ZNF124: variants seen among roughly 807,000 people sequenced by gnomAD.
ZNF124 encodes zinc finger protein HZF-16.
ZNF124 carries 25 observed loss-of-function variants against 26.6 expected under a neutral mutation model. The ratio of observed to expected loss-of-function variants is 0.94; its 90% CI spans 0.68 to 1.31. The LOEUF is 1.31. ZNF124 is among the 40% of genes most tolerant of loss of function. The pLI, the probability that ZNF124 is intolerant of heterozygous loss-of-function variation, is 0.00. For missense variants in ZNF124, 444 were observed against 422.2 expected (o/e 1.05, Z -0.45); for synonymous variants, 129 against 133.3 (o/e 0.97, Z 0.22).
chr1:247,124,173 T>A (rs538187515), intron 3 of ZNF124, among the ~76,000 whole-genome samples: 2 of 151,138 alleles, frequency 1.3e-5, no homozygotes, highest in East Asian at 3.9e-4. Flanking sequence ...ATCACACACG[T>A]AAAATTTAGC....
At chr1:247,142,841 C>G (rs937753529) in intron 3 of ZNF124, among the ~76,000 whole-genome samples, 2 of 143,774 alleles carry the variant, frequency 1.4e-5, no homozygotes, top group Non-Finnish European at 3.1e-5. Flanking sequence ...CAGGTATTGT[C>G]TTTTTTTTTT....
downstream of ZNF124, among the ~76,000 whole-genome samples, chr1:247,154,750 A>G (rs756170544): frequency 6.6e-6 from 1 of 152,178 alleles, no homozygotes; most frequent in East Asian, 1.9e-4. Context: ...TGTAATCCCA[A>G]CACTTTGAGA....
intron 1 of ZNF124, among the ~76,000 whole-genome samples, chr1:247,162,768 C>T (rs1234412113): frequency 6.6e-6 from 1 of 152,080 alleles, no homozygotes; most frequent in Non-Finnish European, 1.5e-5. Context: ...ATGCACCCAA[C>T]ACAAGAGCAC....
chr1:247,157,386 G>T lies in ZNF124; in HGVS notation c.236C>A (p.Ser79Tyr), dbSNP rs761501085. ...SRNLRHIISHSGNNPYGCEEC... is the reference protein window; with the variant it reads ...SRNLRHIISHYGNNPYGCEEC... The stretch of plus-strand genomic sequence containing the variant: ...CTCACACCCATATGGGTTGTTTCCA[G>T]AATGAGATATGATGTGCCTATGAAG... The change falls in exon 4 of 4, where the codon TCT becomes TAT. Residue 79 changes from serine (S) to tyrosine (Y), a missense_variant. Coordinates refer to ENST00000543802, the MANE Select transcript of ZNF124 (RefSeq NM_001297568.2). 1 of 1,552,442 alleles carries T rather than the reference G, an allele frequency of 6.4e-7. No homozygotes were observed. The highest frequency in any genetic ancestry group is 8.7e-7 in the Non-Finnish European group (1 of 1,147,308).
chr1:247,144,095 A>G (rs1672700173), intron 3 of ZNF124, among the ~76,000 whole-genome samples: 1 of 152,190 alleles, frequency 6.6e-6, no homozygotes, highest in Non-Finnish European at 1.5e-5. Flanking sequence ...CATGATTTCC[A>G]GATTTTTCTT....
At chr1:247,133,768 C>G (rs529426293) in intron 3 of ZNF124, among the ~76,000 whole-genome samples, 13 of 151,804 alleles carry the variant, frequency 8.6e-5, no homozygotes, top group Non-Finnish European at 1.8e-4. Context: ...ATTCTCCCAC[C>G]TCAGCCTCCC....
At chr1:247,122,221 G>A (rs1167194586) in exon 4 of ZNF124, 1 of 152,134 alleles carries the variant, frequency 6.6e-6, no homozygotes, top group East Asian at 1.9e-4. Flanking sequence ...TACTTATTTA[G>A]TTCATACAAT....
At chr1:247,148,647 G>C (rs1672847493) in intron 3 of ZNF124, among the ~76,000 whole-genome samples, 1 of 152,182 alleles carries the variant, frequency 6.6e-6, no homozygotes, top group South Asian at 2.1e-4. Context: ...TCACAGCTGA[G>C]GAATCTCAAG....
chr1:247,130,037 T>C (rs537978096), intron 3 of ZNF124, among the ~76,000 whole-genome samples: 2 of 152,288 alleles, frequency 1.3e-5, no homozygotes, highest in African/African-American at 4.8e-5. Context: ...ATGGTCTGAC[T>C]TGACCCTTGA....
At chr1:247,160,834 A>C (rs1183717219) in intron 1 of ZNF124, among the ~76,000 whole-genome samples, 1 of 152,240 alleles carries the variant, frequency 6.6e-6, no homozygotes, top group African/African-American at 2.4e-5. Flanking sequence ...AAATGTGTAG[A>C]AGCTTATAAG....
chr1:247,149,167 C>T (rs186448892), intron 3 of ZNF124, among the ~76,000 whole-genome samples: 27 of 152,170 alleles, frequency 1.8e-4, no homozygotes, highest in Non-Finnish European at 1.8e-4. Flanking sequence ...CCAGAAGAAA[C>T]GCTTATACAA....
chr1:247,151,416 T>C, downstream of ZNF124, among the ~76,000 whole-genome samples: 1 of 150,598 alleles, frequency 6.6e-6, no homozygotes, highest in East Asian at 1.9e-4. Flanking sequence ...GAGGCGGAGC[T>C]TGCAGGGAGC....
chr1:247,156,703 C>G lies in ZNF124; in HGVS notation c.919G>C (p.Asp307His). 1 of 1,613,416 alleles carries G rather than the reference C, an allele frequency of 6.2e-7. No individual in the cohort carries two copies. Among genetic ancestry groups the G allele is most frequent in the Non-Finnish European group, 8.5e-7 (1 of 1,179,822 alleles). ...KGFRCSSSLR[D>H]HERTHTGEKP... ...TCTCCAGTATGAGTCCTTTCATGGT[C>G]ACGAAGGGAACTGGAACATCTGAAG... Residue 307 changes from aspartate (D) to histidine (H), a missense_variant, in exon 4 of 4, where the codon GAC becomes CAC. Coordinates refer to ENST00000543802, the MANE Select transcript of ZNF124 (RefSeq NM_001297568.2).
At chr1:247,136,913 C>T (rs943723004) in intron 3 of ZNF124, among the ~76,000 whole-genome samples, 1 of 151,242 alleles carries the variant, frequency 6.6e-6, no homozygotes, top group African/African-American at 2.4e-5. Flanking sequence ...TGCCACCGCA[C>T]TCTAGCCTGG....
rs182190866 is a variant in ZNF124, at chr1:247,139,985, G to A, written c.219-16114C>T. Among the ~76,000 whole-genome samples, 321 of 152,208 alleles carry A rather than the reference G, an allele frequency of 2.1e-3. 1 individual carries two copies. Among genetic ancestry groups the A allele is most frequent in the Non-Finnish European group, 3.2e-3 (220 of 68,008 alleles). ...TGTGTGTCTTGGGGATGATTTTATT[G>A]TGTAGAATCTTGCAGGGGTTCTCTG... On this transcript the variant is annotated intron_variant, in intron 3 of 3. Coordinates refer to the ZNF124 transcript ENST00000472531.
At chr1:247,162,824 C>T (rs1376365366) in intron 1 of ZNF124, among the ~76,000 whole-genome samples, 4 of 152,066 alleles carry the variant, frequency 2.6e-5, no homozygotes, top group African/African-American at 9.7e-5. Context: ...AGAGACTTAA[C>T]CACAGAGTTA....
chr1:247,132,610 GAA>G (rs1290397854), intron 3 of ZNF124, among the ~76,000 whole-genome samples: 1 of 152,196 alleles, frequency 6.6e-6, no homozygotes, highest in Non-Finnish European at 1.5e-5. Context: ...TGCCTCAAAA[GAA>G]AGAGTAAAAA....
intron 3 of ZNF124, among the ~76,000 whole-genome samples, chr1:247,139,383 T>C (rs1435192068): frequency 6.6e-6 from 1 of 152,240 alleles, no homozygotes; most frequent in Non-Finnish European, 1.5e-5. Context: ...CATCTCTTTA[T>C]TTTGATCCTA....
rs766023064 is a variant in ZNF124, at chr1:247,163,284, C to CA, written c.31-3472dup. On this transcript the variant is annotated intron_variant, in intron 1 of 3. Coordinates refer to ENST00000543802, the MANE Select transcript of ZNF124 (RefSeq NM_001297568.2). Reference sequence around the variant, plus strand: ...GACCAACCCCAAAGCTAGCAGAAGACAAAAAAACCAAAATCAGAGATAAAT... The same window carrying CA: ...GACCAACCCCAAAGCTAGCAGAAGACAAAAAAAACCAAAATCAGAGATAAAT... Among the ~76,000 whole-genome samples the CA allele has an allele frequency of 6.7e-5, 10 of 148,652 alleles. 1 individual carries two copies. The highest frequency in any genetic ancestry group is 2.0e-4 in the Admixed American group (3 of 14,882).
Sources: allele counts gnomAD v4.1 joint callset (sites outside exome capture counted in the v4.1 genomes callset), GRCh38; gene constraint gnomAD v4.1.1; transcripts MANE v1.5; gene names NCBI Gene and HGNC (gene_info 2026-07-23, HGNC 2026-07-21).